The following DPP6 variants were observed in gnomAD, a reference collection of about 807,000 sequenced individuals.
The protein encoded by DPP6 is A-type potassium channel modulatory protein DPP6.
A neutral mutation model predicts 122.6 loss-of-function variants in DPP6; 69 were observed. That is an observed-to-expected ratio of 0.56 (90% CI 0.46 to 0.69). DPP6 has a LOEUF of 0.69. Among genes scored for constraint, DPP6 ranks in the 30% least tolerant of loss-of-function variants. The pLI, the probability that DPP6 is intolerant of heterozygous loss-of-function variation, is 0.00. For synonymous variants in DPP6, 418 were observed against 433.1 expected, an observed-to-expected ratio of 0.97 and a Z score of 0.43; for missense variants, 928 against 1,116.9, an observed-to-expected ratio of 0.83 and a Z score of 2.41.
chr7:154,335,732 T>C (rs1809355107), intron 1 of DPP6, among the ~76,000 whole-genome samples: 1 of 152,130 alleles, frequency 6.6e-6, no homozygotes, highest in Non-Finnish European at 1.5e-5. Flanking sequence ...ATGCGCTGTG[T>C]TCTAATGTGG....
intron 1 of DPP6, among the ~76,000 whole-genome samples, chr7:154,180,181 C>G (rs943613686): frequency 3.3e-5 from 5 of 151,782 alleles, no homozygotes; most frequent in African/African-American, 9.7e-5. Flanking sequence ...AACCTCGTCT[C>G]TACTAAAAAC....
rs917873068 is a variant in DPP6, at chr7:154,464,601, A to C, written c.359-10338A>C. Among the ~76,000 whole-genome samples the C allele has an allele frequency of 2.0e-5, 3 of 152,220 alleles. No homozygotes were observed. In the East Asian group the frequency reaches 5.8e-4, roughly 29 times the overall value. Reference sequence around the variant, plus strand: ...TAAATCTGAAGCCATAGAGAGAGGAAAAAATATATAATCCTGTGTAACTGA... The same window carrying C: ...TAAATCTGAAGCCATAGAGAGAGGACAAAATATATAATCCTGTGTAACTGA... On this transcript the variant is annotated intron_variant, in intron 2 of 25. Coordinates refer to ENST00000377770, the MANE Select transcript of DPP6 (RefSeq NM_130797.4).
intron 1 of DPP6, among the ~76,000 whole-genome samples, chr7:154,209,024 T>C (rs1332080050): frequency 1.3e-5 from 2 of 152,198 alleles, no homozygotes; most frequent in Non-Finnish European, 2.9e-5. Flanking sequence ...TTTAAGAACG[T>C]GCTCAGCAGG....
chr7:154,446,206 GT>G lies in DPP6; in HGVS notation c.244-3del. On this transcript the variant is annotated splice_polypyrimidine_tract_variant and splice_region_variant and intron_variant, in intron 1 of 25. Coordinates refer to ENST00000377770, the MANE Select transcript of DPP6 (RefSeq NM_130797.4). ...CACTGGGGTTTTCTTTGTTGTTGCT[GT>G]TTTTAGGAGCTGGTGGGGAGTAACC... 6.3e-7 allele frequency: 1 copy of G among 1,580,022 alleles called. No individual in the cohort carries two copies. Among genetic ancestry groups the G allele is most frequent in the Non-Finnish European group, 8.6e-7 (1 of 1,161,178 alleles).
intron 1 of DPP6, among the ~76,000 whole-genome samples, chr7:153,995,280 T>G (rs963818241): frequency 5.3e-5 from 8 of 152,136 alleles, no homozygotes; most frequent in African/African-American, 1.9e-4. Context: ...GTTTATCCCA[T>G]GAGTTCTTTT....
chr7:153,843,009 CAT>C, the DPP6 span, among the ~76,000 whole-genome samples: 2 of 152,104 alleles, frequency 1.3e-5, no homozygotes, highest in African/African-American at 4.8e-5. Flanking sequence ...CACATACACA[CAT>C]ACACACAAGC....
chr7:154,784,945 T>A (rs1401540751), intron 10 of DPP6, among the ~76,000 whole-genome samples: 1 of 152,176 alleles, frequency 6.6e-6, no homozygotes, highest in African/African-American at 2.4e-5. Flanking sequence ...ACTTATTTCT[T>A]GAGGAGCTTG....
At chr7:154,395,320 C>A (rs1306527427) in intron 1 of DPP6, among the ~76,000 whole-genome samples, 1 of 152,166 alleles carries the variant, frequency 6.6e-6, no homozygotes, top group Non-Finnish European at 1.5e-5. Flanking sequence ...TGGGGGGAAA[C>A]AAACTTTCAT....
At chr7:154,221,421 A>G in intron 1 of DPP6, among the ~76,000 whole-genome samples, 1 of 152,112 alleles carries the variant, frequency 6.6e-6, no homozygotes, top group Admixed American at 6.6e-5. Context: ...GATTACAGGC[A>G]TGAGCCACTG....
intron 1 of DPP6, among the ~76,000 whole-genome samples, chr7:153,966,537 G>A (rs39170): frequency 0.79 from 74,724 of 95,052 alleles, 29,918 homozygotes; most frequent in East Asian, 1. Flanking sequence ...GTAATTAAAC[G>A]GTCTGTCCTG....
At position 154,877,401 on chromosome 7, in the gene DPP6, G is replaced by A. The variant is rs1362072872; in HGVS notation, c.2078+1301G>A. ...TCAATGACTACAACAACACATGTGT[G>A]CGTGCACACACACACACACACACAC... On this transcript the variant is annotated intron_variant, in intron 20 of 25. Transcript: ENST00000377770. The surrounding 1 kb of genome is among the most constrained non-coding windows in gnomAD (Gnocchi z 5.2). Among the ~76,000 whole-genome samples, 12 of 121,838 alleles carry A rather than the reference G, an allele frequency of 9.8e-5. No homozygotes were observed. The highest frequency in any genetic ancestry group is 3.6e-5 in the Non-Finnish European group (2 of 54,910). The allele number at this position is 121,838 out of a possible 152,430, so 79.9% of individuals were successfully genotyped here.
intron 1 of DPP6, among the ~76,000 whole-genome samples, chr7:153,910,813 G>A (rs1334877311): frequency 6.6e-6 from 1 of 152,064 alleles, no homozygotes; most frequent in African/African-American, 2.4e-5. Flanking sequence ...ATAGCTCACA[G>A]CCAATCCCCA....
intron 1 of DPP6, among the ~76,000 whole-genome samples, chr7:154,398,637 A>G (rs546532298): frequency 2.0e-5 from 3 of 151,840 alleles, no homozygotes; most frequent in Non-Finnish European, 4.4e-5. Context: ...TCTCCTGGTT[A>G]TGCTGTTTTC....
intron 1 of DPP6, among the ~76,000 whole-genome samples, chr7:154,213,689 C>T (rs749392844): frequency 6.6e-6 from 1 of 152,098 alleles, no homozygotes; most frequent in African/African-American, 2.4e-5. Flanking sequence ...AAGATTTGAA[C>T]CCCACCACCC....
At chr7:154,312,898 TGG>T (rs777830251) in intron 1 of DPP6, among the ~76,000 whole-genome samples, 10 of 152,100 alleles carry the variant, frequency 6.6e-5, no homozygotes, top group Non-Finnish European at 1.5e-4. Flanking sequence ...GTGACAGAGG[TGG>T]TCTTGAATAG....
At chr7:154,013,425 G>A (rs1798242373) in intron 1 of DPP6, among the ~76,000 whole-genome samples, 2 of 148,714 alleles carry the variant, frequency 1.3e-5, no homozygotes, top group African/African-American at 4.9e-5. Context: ...TTAGTCCAGT[G>A]TGTATTCCTC....
chr7:154,881,638 C>G (rs753565762), intron 21 of DPP6, among the ~76,000 whole-genome samples: 7 of 152,182 alleles, frequency 4.6e-5, no homozygotes, highest in Non-Finnish European at 8.8e-5. Flanking sequence ...TGCTGTGACA[C>G]CCCCGCAGGT....
intron 1 of DPP6, 63 bp from the exon 2 acceptor site, chr7:154,446,151 A>G: frequency 9.7e-7 from 1 of 1,029,004 alleles, no homozygotes; most frequent in Non-Finnish European, 1.4e-6. Context: ...AAATATGTCT[A>G]TTTGGCTTAT....
chr7:153,846,480 AT>A, the DPP6 span, among the ~76,000 whole-genome samples: 10 of 151,024 alleles, frequency 6.6e-5, no homozygotes, highest in East Asian at 1.9e-4. Flanking sequence ...CAACTTATTA[AT>A]TTTTTTTTGT....
Sources: allele counts gnomAD v4.1 joint callset (sites outside exome capture counted in the v4.1 genomes callset), GRCh38; gene constraint gnomAD v4.1.1; non-coding constraint Gnocchi (gnomAD v3.1); transcripts MANE v1.5; gene names NCBI Gene and HGNC (gene_info 2026-07-23, HGNC 2026-07-21).